The following BTBD9 variants were observed in gnomAD, a reference collection of about 807,000 sequenced individuals.
BTBD9 encodes BTB domain containing 9.
BTBD9 carries 49 observed loss-of-function variants against 64.3 expected under a neutral mutation model. The observed-to-expected ratio is 0.76, with a 90% CI of 0.61 to 0.97. The LOEUF is 0.97. Among genes scored for constraint, BTBD9 ranks in the 50% least tolerant of loss-of-function variants. The probability of loss-of-function intolerance (pLI) is 0.00; values close to 1 mark genes in which losing one functional copy is unlikely to be tolerated. For missense variants in BTBD9, 598 were observed against 762.1 expected (o/e 0.78, Z 2.53); for synonymous variants, 260 against 274.7 (o/e 0.95, Z 0.53).
At chr6:38,571,527 T>C (rs1317000860) in intron 6 of BTBD9, among the ~76,000 whole-genome samples, 1 of 152,188 alleles carries the variant, frequency 6.6e-6, no homozygotes, top group African/African-American at 2.4e-5. Context: ...ATAGTAGCAA[T>C]AAATGAGATT....
chr6:38,567,891 CA>C (rs1041633824), intron 6 of BTBD9, among the ~76,000 whole-genome samples: 15 of 149,096 alleles, frequency 1.0e-4, no homozygotes, highest in Non-Finnish European at 1.5e-4. Context: ...CTAACACTGG[CA>C]AAAAAAAATA....
intron 8 of BTBD9, 102 bp from the exon 9 acceptor site, chr6:38,256,618 T>C (rs1034567843): frequency 1.7e-5 from 13 of 753,536 alleles, no homozygotes; most frequent in Admixed American, 7.3e-5. Flanking sequence ...GTTCAGCACA[T>C]TTCTAGGACT....
At chr6:38,210,546 G>GTGTT (rs746297696) in intron 9 of BTBD9, among the ~76,000 whole-genome samples, 11,115 of 134,214 alleles carry the variant, frequency 0.083, 467 homozygotes, top group Non-Finnish European at 0.095. Context: ...TTGTGTGTGT[G>GTGTT]TGTGTGTGTG....
chr6:38,433,472 G>A (rs1231568194), intron 6 of BTBD9, among the ~76,000 whole-genome samples: 2 of 151,814 alleles, frequency 1.3e-5, no homozygotes, highest in African/African-American at 4.9e-5. Flanking sequence ...TTAACTGAGC[G>A]ATTAACCTTG....
At chr6:38,395,307 G>T (rs577762366) in intron 6 of BTBD9, among the ~76,000 whole-genome samples, 4 of 152,096 alleles carry the variant, frequency 2.6e-5, no homozygotes, top group South Asian at 4.2e-4. Context: ...ATGTTGGTTT[G>T]CACCTATAGT....
At chr6:38,596,790 G>A (rs1777050298) in intron 2 of BTBD9, among the ~76,000 whole-genome samples, 1 of 132,050 alleles carries the variant, frequency 7.6e-6, no homozygotes. Flanking sequence ...GACAGAGTGA[G>A]ACTCCGTCTC....
intron 8 of BTBD9, among the ~76,000 whole-genome samples, chr6:38,273,863 C>T (rs762578680): frequency 1.4e-4 from 22 of 152,226 alleles, no homozygotes; most frequent in Non-Finnish European, 2.9e-4. Context: ...GAGCGAATTA[C>T]AAAGCAGGAA....
intron 6 of BTBD9, among the ~76,000 whole-genome samples, chr6:38,451,651 T>C (rs1257678193): frequency 2.0e-5 from 3 of 152,162 alleles, no homozygotes; most frequent in Admixed American, 6.5e-5. Context: ...AAGACGATGA[T>C]AGTACCCAAG....
intron 9 of BTBD9, among the ~76,000 whole-genome samples, chr6:38,253,315 C>G (rs1764465520): frequency 6.6e-6 from 1 of 152,176 alleles, no homozygotes. Context: ...GTTAGGCAAG[C>G]ACCTTTTTCA....
intron 8 of BTBD9, among the ~76,000 whole-genome samples, chr6:38,279,638 G>C (rs1266873811): frequency 2.0e-5 from 3 of 152,172 alleles, no homozygotes; most frequent in Non-Finnish European, 4.4e-5. Context: ...TCCTGGGGCA[G>C]CAGCATATAA....
intron 6 of BTBD9, among the ~76,000 whole-genome samples, chr6:38,415,281 C>T (rs1767615873): frequency 6.6e-6 from 1 of 151,994 alleles, no homozygotes; most frequent in Non-Finnish European, 1.5e-5. Flanking sequence ...AGATTATTTA[C>T]CCTGGATTAT....
chr6:38,425,101 C>A lies in BTBD9; in HGVS notation c.1155-80008G>T, dbSNP rs1768086263. Among the ~76,000 whole-genome samples, 3 of 140,974 alleles carry A rather than the reference C, an allele frequency of 2.1e-5. No homozygotes were observed. In the South Asian group the frequency reaches 7.1e-4, roughly 33 times the overall value. 92.5% of individuals were successfully genotyped at this position (140,974 alleles called of 152,430 possible). Reference sequence around the variant, plus strand: ...AAAGTGCTCGGATTACAGGTGTGAGCCACCGTGCCCGGCCTTTTTTTTTTT... The same window carrying A: ...AAAGTGCTCGGATTACAGGTGTGAGACACCGTGCCCGGCCTTTTTTTTTTT... On this transcript the variant is annotated intron_variant, in intron 6 of 10. Transcript: ENST00000481247.
At chr6:38,443,269 T>C (rs556009940) in intron 6 of BTBD9, among the ~76,000 whole-genome samples, 2 of 152,298 alleles carry the variant, frequency 1.3e-5, no homozygotes, top group South Asian at 2.1e-4. Flanking sequence ...AGCCAATATA[T>C]AACACACTTA....
At chr6:38,200,085 T>G (rs746402120) in intron 9 of BTBD9, among the ~76,000 whole-genome samples, 3 of 152,202 alleles carry the variant, frequency 2.0e-5, no homozygotes, top group Non-Finnish European at 4.4e-5. Context: ...GCACAGGCTA[T>G]GCACTCAGGG....
At chr6:38,427,352 G>A (rs947877577) in intron 6 of BTBD9, among the ~76,000 whole-genome samples, 1 of 151,808 alleles carries the variant, frequency 6.6e-6, no homozygotes, top group African/African-American at 2.4e-5. Flanking sequence ...AAGAAATACC[G>A]ATAGCAGATG....
At chr6:38,282,936 G>C (rs1561968904) in intron 8 of BTBD9, among the ~76,000 whole-genome samples, 1 of 152,148 alleles carries the variant, frequency 6.6e-6, no homozygotes, top group Non-Finnish European at 1.5e-5. Context: ...AACCCCACTA[G>C]AATGTCAGTT....
intron 7 of BTBD9, among the ~76,000 whole-genome samples, chr6:38,332,401 T>C (rs1763710998): frequency 6.6e-6 from 1 of 152,238 alleles, no homozygotes; most frequent in Non-Finnish European, 1.5e-5. Flanking sequence ...CTTGCTGTGT[T>C]ATCCTTCGGT....
rs1764663924 is a variant in BTBD9, at chr6:38,258,128, G to C, written c.1455-1612C>G. Reference sequence around the variant, plus strand: ...ACCCTCCCGAGTAGCTGGGATTACAGGCATCTGCCACCATGCCCAGCTAAT... The same window carrying C: ...ACCCTCCCGAGTAGCTGGGATTACACGCATCTGCCACCATGCCCAGCTAAT... On this transcript the variant is annotated intron_variant, in intron 8 of 10. Coordinates refer to ENST00000481247, the MANE Select transcript of BTBD9 (RefSeq NM_001099272.2). Among the ~76,000 whole-genome samples the C allele has an allele frequency of 2.0e-5, 3 of 151,934 alleles. No homozygotes were observed. The South Asian group carries it at 6.2e-4, about 32-fold the overall frequency.
At chr6:38,233,777 G>A (rs916133586) in intron 9 of BTBD9, among the ~76,000 whole-genome samples, 6 of 152,158 alleles carry the variant, frequency 3.9e-5, no homozygotes, top group African/African-American at 1.4e-4. Flanking sequence ...TTGTGAACCT[G>A]AATTCGGCTG....
Sources: gnomAD v4.1 joint callset for allele counts (sites outside exome capture counted in the v4.1 genomes callset) on GRCh38, gnomAD v4.1.1 for gene constraint, MANE v1.5 for transcripts, NCBI Gene and HGNC (gene_info 2026-07-23, HGNC 2026-07-21) for gene names.